Variants in SNX4 observed in about 807,000 individuals in gnomAD.
The protein encoded by SNX4 is sorting nexin-4.
SNX4 carries 49 observed loss-of-function variants against 70.8 expected under a neutral mutation model. That is an observed-to-expected ratio of 0.69 (90% confidence interval 0.55 to 0.88). SNX4 has a LOEUF of 0.88. Among genes scored for constraint, SNX4 ranks in the 40% least tolerant of loss-of-function variants. The pLI, the probability that SNX4 is intolerant of heterozygous loss-of-function variation, is 0.00. For synonymous variants in SNX4, 206 were observed against 183.8 expected, an observed-to-expected ratio of 1.12 and a Z score of -0.98; for missense variants, 528 against 544.8, an observed-to-expected ratio of 0.97 and a Z score of 0.31.
intron 2 of SNX4, among the ~76,000 whole-genome samples, chr3:125,502,237 A>C (rs1403000706): frequency 1.3e-5 from 2 of 152,206 alleles, no homozygotes; most frequent in Non-Finnish European, 2.9e-5. Context: ...AAATAACCTT[A>C]CAAATCTCTG....
chr3:125,495,250 T>TTTTTTATATATATATATATATATA (rs869243473), intron 5 of SNX4, among the ~76,000 whole-genome samples: 12 of 38,166 alleles, frequency 3.1e-4, no homozygotes, highest in Non-Finnish European at 1.8e-4. Context: ...CATTCTCTCT[T>TTTTTTATATATATATATATATATA]TATATATATA....
intron 1 of SNX4, among the ~76,000 whole-genome samples, chr3:125,515,461 A>G (rs1054031272): frequency 6.6e-6 from 1 of 151,802 alleles, no homozygotes; most frequent in African/African-American, 2.4e-5. Context: ...CAGATGTTTG[A>G]GACCAGCCTG....
At position 125,469,527 on chromosome 3, in the gene SNX4, G is replaced by A; in HGVS notation, c.789-8C>T. On this transcript the variant is annotated splice_region_variant and splice_polypyrimidine_tract_variant and intron_variant, in intron 8 of 13. Transcript: ENST00000251775. ...TCTATGGCACTCCATTCACTAGGGA[G>A]TAAAAGATAAAACCAAAAGCAACAT... 6.2e-7 allele frequency: 1 copy of A among 1,607,004 alleles called. No homozygotes were observed. The highest frequency in any genetic ancestry group is 8.5e-7 in the Non-Finnish European group (1 of 1,173,700).
intron 10 of SNX4, 98 bp from the exon 11 acceptor site, chr3:125,457,463 G>A (rs1466699092): frequency 1.2e-6 from 1 of 823,696 alleles, no homozygotes; most frequent in African/African-American, 1.7e-5. Context: ...GTCTCGCTAG[G>A]GCAGAATGTG....
At chr3:125,479,374 T>C (rs550071903) in intron 7 of SNX4, among the ~76,000 whole-genome samples, 5 of 152,128 alleles carry the variant, frequency 3.3e-5, no homozygotes, top group African/African-American at 1.2e-4. Flanking sequence ...CTCGTTAACA[T>C]GGTGAAACCC....
intron 7 of SNX4, among the ~76,000 whole-genome samples, chr3:125,477,507 G>C (rs1457685529): frequency 6.6e-6 from 1 of 152,008 alleles, no homozygotes; most frequent in Non-Finnish European, 1.5e-5. Flanking sequence ...AAGACCAAAG[G>C]CTCATCCTAC....
intron 6 of SNX4, among the ~76,000 whole-genome samples, chr3:125,486,782 G>C (rs1027918298): frequency 1.3e-5 from 2 of 152,190 alleles, no homozygotes; most frequent in African/African-American, 2.4e-5. Flanking sequence ...GCCAGGCACA[G>C]TGGCATCCAC....
intron 1 of SNX4, among the ~76,000 whole-genome samples, chr3:125,506,190 T>C (rs749807735): frequency 3.9e-5 from 6 of 152,076 alleles, no homozygotes; most frequent in Non-Finnish European, 7.4e-5. Context: ...TGCAAATGCC[T>C]AGTTTTCAAC....
At chr3:125,454,072 G>A in intron 11 of SNX4, 117 bp from the exon 12 acceptor site, 1 of 772,724 alleles carries the variant, frequency 1.3e-6, no homozygotes, top group Non-Finnish European at 2.1e-6. Flanking sequence ...CTACAACATG[G>A]ATAAACCTGC....
At chr3:125,519,973 A>G (rs1179501800) in intron 1 of SNX4, 59 bp downstream of exon 1, 72 of 636,602 alleles carry the variant, frequency 1.1e-4, no homozygotes, top group East Asian at 5.7e-4. Flanking sequence ...AGCCCAGCCC[A>G]GCCCGGCCCG....
At chr3:125,507,086 C>T (rs894689227) in intron 1 of SNX4, among the ~76,000 whole-genome samples, 1 of 149,574 alleles carries the variant, frequency 6.7e-6, no homozygotes, top group African/African-American at 2.4e-5. Flanking sequence ...CTTGTAATCC[C>T]AATCTCAGCT....
At chr3:125,508,006 AG>A (rs1180390933) in intron 1 of SNX4, among the ~76,000 whole-genome samples, 1 of 152,222 alleles carries the variant, frequency 6.6e-6, no homozygotes, top group Non-Finnish European at 1.5e-5. Context: ...TTGGGAATTA[AG>A]GTGGTAAAAG....
chr3:125,467,365 T>A (rs148779570), intron 9 of SNX4, among the ~76,000 whole-genome samples: 2 of 151,936 alleles, frequency 1.3e-5, no homozygotes, highest in Non-Finnish European at 2.9e-5. Context: ...CCAGCCTGGG[T>A]GACAGAGTGA....
In SNX4 at chr3:125,497,363, T is replaced by C; in HGVS notation, c.575A>G (p.Asn192Ser). 6.2e-7 allele frequency: 1 copy of C among 1,608,816 alleles called. No homozygotes were observed. The highest frequency in any genetic ancestry group is 8.5e-7 in the Non-Finnish European group (1 of 1,175,890). Residue 192 changes from asparagine (N) to serine (S), a missense_variant, in exon 5 of 14, where the codon AAT becomes AGT. Coordinates refer to ENST00000251775, the MANE Select transcript of SNX4 (RefSeq NM_003794.4). ...TACCTTCAGCTGAAACCCAGTTTCA[T>C]TCACAGTCTCCTTCCAGTTACCTTC... ...TQEGNWKETVNETGFQLKADS... is the reference protein window; with the variant it reads ...TQEGNWKETVSETGFQLKADS...
chr3:125,476,417 C>T (rs1442693652), intron 8 of SNX4, among the ~76,000 whole-genome samples: 2 of 150,430 alleles, frequency 1.3e-5, no homozygotes, highest in African/African-American at 2.4e-5. Context: ...ACTAAAAATA[C>T]AAAATTAGCC....
chr3:125,462,781 T>C (rs1206957209), intron 9 of SNX4, among the ~76,000 whole-genome samples: 2 of 152,142 alleles, frequency 1.3e-5, no homozygotes, highest in South Asian at 2.1e-4. Flanking sequence ...ATCTAGATAA[T>C]GCAGGACAAG....
chr3:125,509,752 C>CAAAAAAAAAAAAAA, intron 1 of SNX4, among the ~76,000 whole-genome samples: 1 of 68,684 alleles, frequency 1.5e-5, no homozygotes, highest in Non-Finnish European at 2.9e-5. Context: ...GAATCTGTCT[C>CAAAAAAAAAAAAAA]AAAAAAAAAA....
At chr3:125,455,546 G>T (rs1933689466) in intron 11 of SNX4, among the ~76,000 whole-genome samples, 1 of 152,146 alleles carries the variant, frequency 6.6e-6, no homozygotes, top group Non-Finnish European at 1.5e-5. Context: ...TTGACATGTA[G>T]GATAGAGAAC....
intron 5 of SNX4, among the ~76,000 whole-genome samples, 192 bp downstream of exon 5, chr3:125,497,149 T>C (rs112043701): frequency 6.6e-6 from 1 of 151,984 alleles, no homozygotes; most frequent in African/African-American, 2.4e-5. Flanking sequence ...CCCATTATAG[T>C]CTCATAAGTA....
Sources: allele counts gnomAD v4.1 joint callset (sites outside exome capture counted in the v4.1 genomes callset), GRCh38; gene constraint gnomAD v4.1.1; transcripts MANE v1.5; gene names NCBI Gene and HGNC (gene_info 2026-07-23, HGNC 2026-07-21).